BRPF1: variants seen among roughly 807,000 people sequenced by gnomAD.
BRPF1 encodes the protein bromodomain and PHD finger containing 1.
BRPF1 carries 15 observed loss-of-function variants against 115.0 expected under a neutral mutation model. That is an observed-to-expected ratio of 0.13 (90% CI 0.09 to 0.20). BRPF1 has a LOEUF of 0.20. Among genes scored for constraint, BRPF1 ranks in the 10% least tolerant of loss-of-function variants. The probability of loss-of-function intolerance (pLI) is 1.00; values close to 1 mark genes in which losing one functional copy is unlikely to be tolerated. For synonymous variants in BRPF1, 647 were observed against 619.8 expected (o/e 1.04, Z -0.65); for missense variants, 1,118 against 1,638.3 (o/e 0.68, Z 5.48).
chr3:9,742,257 G>A (rs2077044288), intron 6 of BRPF1, 86 bp downstream of exon 6: 14 of 1,564,436 alleles, frequency 8.9e-6, no homozygotes, highest in Non-Finnish European at 1.2e-5. Flanking sequence ...GGACTAGATG[G>A]GGACCTTGAA....
Position 9,740,807 on chromosome 3 carries a change from A to C in BRPF1, c.1588A>C (p.Ile530Leu), listed in dbSNP as rs1237053970. 1.2e-6 allele frequency: 2 copies of C among 1,614,022 alleles called. No individual in the cohort carries two copies. Among genetic ancestry groups the C allele is most frequent in the South Asian group, 1.1e-5 (1 of 91,080 alleles). The change falls in exon 4 of 14, where the codon ATC (isoleucine) becomes CTC (leucine). Residue 530 changes from isoleucine to leucine, a missense_variant. Transcript: ENST00000383829. Reference sequence around the variant, plus strand: ...TAGTAAAATCACCAACCGCCTGACCATCCAAAGGAAGAGCCAGTTCATGCA... The same window carrying C: ...TAGTAAAATCACCAACCGCCTGACCCTCCAAAGGAAGAGCCAGTTCATGCA... ...RLSKITNRLT[I>L]QRKSQFMQRL... is the part of the protein sequence containing the mutation.
chr3:9,742,961 C>T lies in BRPF1; in HGVS notation c.2019C>T (p.Asp673=), dbSNP rs1444186135. The part of the protein sequence containing the change: ...TELDEVPDYL[D]HIKKPMDFFT... Reference sequence around the variant, plus strand: ...CCTTCCAGGTACCTGACTACCTAGACCACATCAAAAAGCCCATGGACTTTT... The same window carrying T: ...CCTTCCAGGTACCTGACTACCTAGATCACATCAAAAAGCCCATGGACTTTT... Residue 673 remains aspartate (D), a synonymous_variant, in exon 7 of 14, where the codon GAC becomes GAT. Coordinates refer to ENST00000383829, the MANE Select transcript of BRPF1 (RefSeq NM_001003694.2). The T allele has an allele frequency of 1.2e-6, 2 of 1,614,044 alleles. No individual in the cohort carries two copies.
Position 9,747,119 on chromosome 3 carries a change from C to A in BRPF1, c.3480-47C>A, listed in dbSNP as rs373022777. On this transcript the variant is annotated intron_variant, in intron 13 of 13. Transcript: ENST00000383829. The surrounding 1 kb of genome is among the most constrained non-coding windows in gnomAD (Gnocchi z 5.6). The stretch of plus-strand genomic sequence containing the variant: ...AGTGAATAGAGGAGGAAGGCTGGTC[C>A]TTGTTCTCCCTGAGATGATTTATTT... 6 of 1,605,394 alleles carry A rather than the reference C, an allele frequency of 3.7e-6. No individual in the cohort carries two copies. The highest frequency in any genetic ancestry group is 1.3e-5 in the African/African-American group (1 of 74,868).
At position 9,743,428 on chromosome 3, in the gene BRPF1, C is replaced by A; in HGVS notation, c.2312-150C>A. The A allele has an allele frequency of 1.7e-6, 2 of 1,191,230 alleles. No homozygotes were observed. Among genetic ancestry groups the A allele is most frequent in the Non-Finnish European group, 2.3e-6 (2 of 853,970 alleles). 73.8% of individuals were successfully genotyped at this position (1,191,230 alleles called of 1,614,324 possible). On this transcript the variant is annotated intron_variant, in intron 7 of 13. Transcript: ENST00000383829. This position sits in a 1 kb window ranked among gnomAD's most constrained non-coding sequence, Gnocchi z 6.1. The stretch of plus-strand genomic sequence containing the variant: ...AGACTGGGTGAATGGATAGCAGTGC[C>A]CGCCATTCCACATCTTGGTGCTGCT...
chr3:9,742,406 G>A (rs942744661), intron 6 of BRPF1: 2 of 985,270 alleles, frequency 2.0e-6, no homozygotes, highest in Non-Finnish European at 2.4e-6. Flanking sequence ...GACTGAGTCT[G>A]CCAAATGAAT....
At position 9,745,836 on chromosome 3, in the gene BRPF1, G is replaced by A. The variant is rs1352175339; in HGVS notation, c.3230G>A (p.Gly1077Glu). 1 of 1,614,108 alleles carries A rather than the reference G, an allele frequency of 6.2e-7. No individual in the cohort carries two copies. The highest frequency in any genetic ancestry group is 1.7e-5 in the Admixed American group (1 of 60,010). The stretch of plus-strand genomic sequence containing the variant: ...GTGGTAAGGAAGAGTCTGGGCCGGG[G>A]AGCTGGCTGGCTGTCAGAGGATGAG... ...HSMVRKSLGR[G>E]AGWLSEDEDS... The change falls in exon 12 of 14, where the codon GGA becomes GAA. Residue 1077 changes from glycine to glutamate, a missense_variant. By Grantham distance (98) the Gly-to-Glu change is moderately conservative. Transcript: ENST00000383829. The surrounding 1 kb of genome is among the most constrained non-coding windows in gnomAD (Gnocchi z 5.1).
At chr3:9,736,718 A>G (rs545966941) in intron 2 of BRPF1, among the ~76,000 whole-genome samples, 4 of 152,366 alleles carry the variant, frequency 2.6e-5, no homozygotes, top group East Asian at 1.9e-4. Flanking sequence ...TGTGTATTGC[A>G]TGGAATTTGT....
At chr3:9,746,944 T>C (rs1329467667) in intron 13 of BRPF1, among the ~76,000 whole-genome samples, 1 of 152,176 alleles carries the variant, frequency 6.6e-6, no homozygotes, top group Non-Finnish European at 1.5e-5. Context: ...CTCCTTTTTG[T>C]ACCCATAAAT....
chr3:9,731,765 TGCC>T lies in BRPF1; in HGVS notation c.-375_-373del. ...GCGCAGACGCCGTCGCCGCCGCTGC[TGCC>T]GCCGCCGCTGCCACAGCCTTTGCCG... On this transcript the variant is annotated 5_prime_UTR_variant, in exon 1 of 14. Coordinates refer to ENST00000383829, the MANE Select transcript of BRPF1 (RefSeq NM_001003694.2). The T allele has an allele frequency of 1.3e-5, 2 of 157,490 alleles. No individual in the cohort carries two copies. The highest frequency in any genetic ancestry group is 1.7e-4 in the South Asian group (1 of 5,826). 9.8% of individuals were successfully genotyped at this position (157,490 alleles called of 1,614,324 possible). A position where few individuals can be genotyped will look rare whatever the true frequency, so the allele number is the denominator to read the frequency against.
chr3:9,747,977 A>C lies in BRPF1; in HGVS notation c.*628A>C, dbSNP rs2077156410. 6.6e-6 allele frequency: 1 copy of C among 152,472 alleles called. No homozygotes were observed. Among genetic ancestry groups the C allele is most frequent in the Non-Finnish European group, 1.5e-5 (1 of 68,062 alleles). The allele number at this position is 152,472 out of a possible 1,614,324, so 9.4% of individuals were successfully genotyped here. On this transcript the variant is annotated 3_prime_UTR_variant, in exon 14 of 14. Coordinates refer to ENST00000383829, the MANE Select transcript of BRPF1 (RefSeq NM_001003694.2). The surrounding 1 kb of genome is among the most constrained non-coding windows in gnomAD (Gnocchi z 5.6). ...GTTTGTATTTATTTCAAAGGAAGAAAATATATTGATTCTTAGAAAATAAAC... is the reference window on the plus strand; with the variant it reads ...GTTTGTATTTATTTCAAAGGAAGAACATATATTGATTCTTAGAAAATAAAC...
Position 9,747,224 on chromosome 3 carries a change from G to C in BRPF1, c.3538G>C (p.Glu1180Gln), listed in dbSNP as rs779722039. 14 of 1,614,190 alleles carry C rather than the reference G, an allele frequency of 8.7e-6. No individual in the cohort carries two copies. Among genetic ancestry groups the C allele is most frequent in the Non-Finnish European group, 1.2e-5 (14 of 1,180,044 alleles). Reference protein sequence around the residue: ...PLGVNQDLDKEKMLEGRKSNI... With the variant: ...PLGVNQDLDKQKMLEGRKSNI... ...GGGTGTGAACCAGGACCTAGACAAG[G>C]AGAAGATGCTGGAGGGCCGCAAGTC... The change falls in exon 14 of 14, where the codon GAG becomes CAG. Residue 1180 changes from glutamate to glutamine, a missense_variant. Physicochemically the swap from Glu to Gln is conservative, Grantham distance 29. Transcript: ENST00000383829. This position sits in a 1 kb window ranked among gnomAD's most constrained non-coding sequence, Gnocchi z 5.6.
intron 1 of BRPF1, among the ~76,000 whole-genome samples, chr3:9,733,909 G>A (rs2076896537): frequency 1.3e-5 from 2 of 152,182 alleles, no homozygotes; most frequent in African/African-American, 4.8e-5. Context: ...GTGAGATTGG[G>A]CTAAAGAAGT....
Position 9,734,807 on chromosome 3 carries a change from G to T in BRPF1, c.599+68G>T. On this transcript the variant is annotated intron_variant, in intron 2 of 13. Coordinates refer to ENST00000383829, the MANE Select transcript of BRPF1 (RefSeq NM_001003694.2). The surrounding 1 kb of genome is among the most constrained non-coding windows in gnomAD (Gnocchi z 5.7). ...CAGGGCTCACTAGCCAGAGAGAGGTGAGAGGCACAGATAGAAGAGTGACAG... is the reference window on the plus strand; with the variant it reads ...CAGGGCTCACTAGCCAGAGAGAGGTTAGAGGCACAGATAGAAGAGTGACAG... 6.4e-7 allele frequency: 1 copy of T among 1,553,650 alleles called. No individual in the cohort carries two copies. Among genetic ancestry groups the T allele is most frequent in the Non-Finnish European group, 8.8e-7 (1 of 1,136,122 alleles).
intron 2 of BRPF1, among the ~76,000 whole-genome samples, chr3:9,736,004 ATTTTTTTTTTT>A (rs34061910): frequency 1.1e-5 from 1 of 89,268 alleles, no homozygotes; most frequent in African/African-American, 4.8e-5. Flanking sequence ...TTAAACCTCC[ATTTTTTTTTTT>A]TTTTTTTTTT....
chr3:9,742,227 C>G, intron 6 of BRPF1, 56 bp downstream of exon 6: 1 of 1,599,214 alleles, frequency 6.3e-7, no homozygotes, highest in Non-Finnish European at 8.5e-7. Flanking sequence ...CAGTTGGACC[C>G]CTGCTGCAGG....
At chr3:9,740,487 A>G (rs1243048401) in intron 3 of BRPF1, among the ~76,000 whole-genome samples, 2 of 152,192 alleles carry the variant, frequency 1.3e-5, no homozygotes, top group Admixed American at 6.5e-5. Context: ...CCAGGGTCAA[A>G]TAGTACTCTG....
At chr3:9,742,862 T>G (rs1459618194) in intron 6 of BRPF1, 82 bp from the exon 7 acceptor site, 8 of 1,463,608 alleles carry the variant, frequency 5.5e-6, no homozygotes, top group Non-Finnish European at 7.5e-6. Context: ...CTGGATGTGT[T>G]TCAGGGGGGC....
At chr3:9,746,026 C>T (rs2077119696) in intron 12 of BRPF1, 96 bp downstream of exon 12, 1 of 1,397,558 alleles carries the variant, frequency 7.2e-7, no homozygotes, top group Non-Finnish European at 9.8e-7. Context: ...CTGTGGGGCA[C>T]AGAGTTTCTT....
At position 9,743,553 on chromosome 3, in the gene BRPF1, C is replaced by T. The variant is rs768401634; in HGVS notation, c.2312-25C>T. ...CCCTGAGGGCTGCCCTGAGTCTGACCTTTCCCCTCCAACCCTACCCCTAGC... is the reference window on the plus strand; with the variant it reads ...CCCTGAGGGCTGCCCTGAGTCTGACTTTTCCCCTCCAACCCTACCCCTAGC... On this transcript the variant is annotated intron_variant, in intron 7 of 13. Coordinates refer to ENST00000383829, the MANE Select transcript of BRPF1 (RefSeq NM_001003694.2). The surrounding 1 kb of genome is among the most constrained non-coding windows in gnomAD (Gnocchi z 6.1). 42 of 1,598,822 alleles carry T rather than the reference C, an allele frequency of 2.6e-5. No homozygotes were observed. In the Admixed American group the frequency reaches 6.9e-4, roughly 26 times the overall value.
Sources: gnomAD v4.1 joint callset for allele counts (sites outside exome capture counted in the v4.1 genomes callset) on GRCh38, gnomAD v4.1.1 for gene constraint, Gnocchi (gnomAD v3.1) non-coding constraint, MANE v1.5 for transcripts, NCBI Gene and HGNC (gene_info 2026-07-23, HGNC 2026-07-21) for gene names.